Variants in TBC1D14 observed in about 807,000 individuals in gnomAD.
The protein encoded by TBC1D14 is TBC1 domain family, member 14.
TBC1D14 carries 26 observed loss-of-function variants against 79.0 expected under a neutral mutation model. The ratio of observed to expected loss-of-function variants is 0.33; its 90% CI spans 0.24 to 0.46. TBC1D14 has a LOEUF of 0.46. Ranked by LOEUF, TBC1D14 falls within the 20% of genes least tolerant of loss-of-function variation. The probability of loss-of-function intolerance (pLI) is 1.00; values close to 1 mark genes in which losing one functional copy is unlikely to be tolerated. For missense variants in TBC1D14, 769 were observed against 887.6 expected (o/e 0.87, Z 1.70); for synonymous variants, 394 against 349.9 (o/e 1.13, Z -1.40).
chr4:6,909,593 C>T (rs1049619680), upstream of TBC1D14: 1 of 151,084 alleles, frequency 6.6e-6, no homozygotes, highest in African/African-American at 2.4e-5. Context: ...GGTTGGTTCT[C>T]CGGCAAAAAA....
intron 3 of TBC1D14, among the ~76,000 whole-genome samples, chr4:6,977,454 G>A (rs368388695): frequency 2.1e-5 from 3 of 143,662 alleles, no homozygotes; most frequent in African/African-American, 5.0e-5. Context: ...GTGCAGTGGC[G>A]TGATCTCGGC....
At chr4:6,986,076 G>T (rs1369843593) in intron 3 of TBC1D14, among the ~76,000 whole-genome samples, 4 of 152,144 alleles carry the variant, frequency 2.6e-5, no homozygotes, top group African/African-American at 9.7e-5. Flanking sequence ...TCACCCCCAG[G>T]CAAACATGAA....
intron 13 of TBC1D14, among the ~76,000 whole-genome samples, chr4:7,026,875 C>A (rs1008937760): frequency 6.6e-6 from 1 of 151,936 alleles, no homozygotes; most frequent in African/African-American, 2.4e-5. Context: ...TCAGCCTAGG[C>A]AACAGAGGAA....
chr4:7,021,045 C>A (rs116618782), intron 12 of TBC1D14, among the ~76,000 whole-genome samples: 1 of 152,352 alleles, frequency 6.6e-6, no homozygotes, highest in East Asian at 1.9e-4. Flanking sequence ...AGTTCTGTTC[C>A]GTGGATGCCG....
At chr4:6,954,721 C>T (rs536868566) in intron 2 of TBC1D14, among the ~76,000 whole-genome samples, 1 of 152,352 alleles carries the variant, frequency 6.6e-6, no homozygotes, top group Non-Finnish European at 1.5e-5. Context: ...CTGCCTCAGC[C>T]TCCCAAGTAG....
chr4:6,926,628 G>A (rs923271361), intron 2 of TBC1D14, among the ~76,000 whole-genome samples: 2 of 152,214 alleles, frequency 1.3e-5, no homozygotes, highest in Non-Finnish European at 2.9e-5. Flanking sequence ...AGAGTCTAGG[G>A]TTCTTTTGTC....
chr4:6,950,560 C>A (rs1473021733), intron 2 of TBC1D14, among the ~76,000 whole-genome samples: 1 of 140,634 alleles, frequency 7.1e-6, no homozygotes, highest in Admixed American at 7.5e-5. Context: ...TTATCAGATA[C>A]CTTACTCTTT....
At chr4:7,013,596 C>T (rs1045143683) in intron 11 of TBC1D14, among the ~76,000 whole-genome samples, 1 of 152,222 alleles carries the variant, frequency 6.6e-6, no homozygotes, top group Admixed American at 6.5e-5. Flanking sequence ...GCCCTCCTTT[C>T]CTCCTTTCCC....
intron 3 of TBC1D14, among the ~76,000 whole-genome samples, chr4:6,967,683 C>T (rs1326632899): frequency 6.6e-6 from 1 of 152,212 alleles, no homozygotes; most frequent in Non-Finnish European, 1.5e-5. Context: ...TTAGACAGAG[C>T]TGGGCTCTAG....
chr4:7,018,374 T>C (rs936914285), intron 12 of TBC1D14, among the ~76,000 whole-genome samples: 31 of 152,072 alleles, frequency 2.0e-4, no homozygotes, highest in African/African-American at 7.5e-4. Flanking sequence ...ATGGCTACAC[T>C]TTGGGTCAGA....
chr4:6,954,458 T>TTTC, intron 2 of TBC1D14: 1 of 706,876 alleles, frequency 1.4e-6, no homozygotes, highest in Non-Finnish European at 2.6e-6. Flanking sequence ...GGCTGAGGTG[T>TTTC]TTCTGTGGGT....
intron 2 of TBC1D14, among the ~76,000 whole-genome samples, chr4:6,952,475 C>A (rs1714132858): frequency 6.6e-6 from 1 of 152,258 alleles, no homozygotes; most frequent in African/African-American, 2.4e-5. Flanking sequence ...ACTAGGTGCT[C>A]AGGACCACTC....
In TBC1D14 at chr4:6,935,514, G is replaced by A. The variant is rs187916205; in HGVS notation, c.722+11403G>A. On this transcript the variant is annotated intron_variant, in intron 2 of 13. Transcript: ENST00000409757. ...CTTGCTCTTGCAGGCACTCTCGTGC[G>A]TGCTCTCTCCCTCTCCTTCCCTCTA... Among the ~76,000 whole-genome samples, 495 of 152,080 alleles carry A rather than the reference G, an allele frequency of 3.3e-3. 2 individuals are homozygous for A. The highest frequency in any genetic ancestry group is 4.7e-3 in the African/African-American group (197 of 41,506).
chr4:7,000,534 A>G (rs1159054704), intron 6 of TBC1D14, among the ~76,000 whole-genome samples: 12 of 152,244 alleles, frequency 7.9e-5, no homozygotes, highest in Non-Finnish European at 1.2e-4. Context: ...GTTCAGAGGC[A>G]CCACGGGGGC....
intron 3 of TBC1D14, among the ~76,000 whole-genome samples, chr4:6,986,438 A>T (rs4234794): frequency 2.0e-5 from 3 of 152,230 alleles, no homozygotes; most frequent in African/African-American, 7.2e-5. Flanking sequence ...AGCTTCTCTA[A>T]GTCTTTGCTA....
rs185387977 is a variant in TBC1D14 at position 6,945,016 on chromosome 4, G to T, written c.722+20905G>T. 4.3e-4 allele frequency among the ~76,000 whole-genome samples: 66 copies of T among 152,296 alleles called. No homozygotes were observed. The East Asian group carries it at 0.011, about 26-fold the overall frequency. ...TAACCCCAGCTCATGTTCCTGATTGGCCCTGGGACACTAGCAGAACGTGAC... is the reference window on the plus strand; with the variant it reads ...TAACCCCAGCTCATGTTCCTGATTGTCCCTGGGACACTAGCAGAACGTGAC... On this transcript the variant is annotated intron_variant, in intron 2 of 13. Transcript: ENST00000409757.
chr4:6,974,905 G>C (rs1248136068), intron 3 of TBC1D14, among the ~76,000 whole-genome samples: 1 of 151,776 alleles, frequency 6.6e-6, no homozygotes, highest in Non-Finnish European at 1.5e-5. Flanking sequence ...TTGTTTGTTT[G>C]TTTTTGTTTT....
At chr4:7,004,774 C>A in intron 7 of TBC1D14, 70 bp from the exon 8 acceptor site, 1 of 1,376,738 alleles carries the variant, frequency 7.3e-7, no homozygotes, top group Non-Finnish European at 1.0e-6. Context: ...GGAAATAGTA[C>A]TGTGTTCTGT....
At chr4:6,957,740 T>C (rs1193070200) in intron 2 of TBC1D14, among the ~76,000 whole-genome samples, 1 of 152,118 alleles carries the variant, frequency 6.6e-6, no homozygotes, top group Non-Finnish European at 1.5e-5. Flanking sequence ...GGTGAGACCC[T>C]GTTTCTACAA....
Sources: allele counts gnomAD v4.1 joint callset (sites outside exome capture counted in the v4.1 genomes callset), GRCh38; gene constraint gnomAD v4.1.1; transcripts MANE v1.5; gene names NCBI Gene and HGNC (gene_info 2026-07-23, HGNC 2026-07-21).